The following ATP2C1 variants were observed in gnomAD, a reference collection of about 807,000 sequenced individuals.
The protein encoded by ATP2C1 is calcium-transporting ATPase type 2C member 1.
A neutral mutation model predicts 120.5 loss-of-function variants in ATP2C1; 31 were observed. The ratio of observed to expected loss-of-function variants is 0.26; its 90% CI spans 0.19 to 0.35. The LOEUF (loss-of-function observed/expected upper bound fraction) is 0.35. Ranked by LOEUF, ATP2C1 falls within the 10% of genes least tolerant of loss-of-function variation. The pLI is 1.00. For synonymous variants in ATP2C1, 351 were observed against 358.7 expected, an observed-to-expected ratio of 0.98 and a Z score of 0.24; for missense variants, 731 against 1,107.5, an observed-to-expected ratio of 0.66 and a Z score of 4.83.
intron 1 of ATP2C1, among the ~76,000 whole-genome samples, chr3:130,870,957 C>A (rs2068409460): frequency 6.6e-6 from 1 of 152,162 alleles, no homozygotes; most frequent in African/African-American, 2.4e-5. Context: ...ACCGCCACTT[C>A]AACTTTCAGC....
intron 24 of ATP2C1, 55 bp from the exon 25 acceptor site, chr3:130,997,551 A>C: frequency 6.4e-7 from 1 of 1,556,634 alleles, no homozygotes; most frequent in Admixed American, 1.7e-5. Flanking sequence ...TTGTGAAAGT[A>C]ACAAATCCAG....
downstream of ATP2C1, among the ~76,000 whole-genome samples, chr3:131,006,635 T>TTGTGTGTGTGTGTGTG (rs3073260): frequency 6.8e-6 from 1 of 147,166 alleles, no homozygotes; most frequent in South Asian, 2.2e-4. Context: ...TAGTGTGTGT[T>TTGTGTGTGTGTGTGTG]TGTGTGTGTG....
chr3:130,856,658 C>A (rs2067851426), intron 1 of ATP2C1, among the ~76,000 whole-genome samples: 1 of 152,180 alleles, frequency 6.6e-6, no homozygotes, highest in South Asian at 2.1e-4. Flanking sequence ...TGCTTATGAT[C>A]TTTCATTGGC....
exon 1 of ATP2C1, chr3:130,850,799 G>A: frequency 4.8e-6 from 6 of 1,238,486 alleles, no homozygotes; most frequent in Non-Finnish European, 6.5e-6. Context: ...GTGCAGACAA[G>A]GACCCTCTTG....
chr3:131,005,025 A>T (rs2063049558), downstream of ATP2C1, among the ~76,000 whole-genome samples: 1 of 152,018 alleles, frequency 6.6e-6, no homozygotes, highest in Non-Finnish European at 1.5e-5. Flanking sequence ...GAGACCAATT[A>T]GAAAATCAAG....
intron 1 of ATP2C1, among the ~76,000 whole-genome samples, chr3:130,867,090 G>A (rs958653417): frequency 1.3e-5 from 2 of 152,256 alleles, no homozygotes; most frequent in African/African-American, 4.8e-5. Flanking sequence ...GCCCGCATTA[G>A]ACAGAAAACT....
intron 1 of ATP2C1, among the ~76,000 whole-genome samples, chr3:130,861,217 C>T (rs2068003054): frequency 6.6e-6 from 1 of 152,024 alleles, no homozygotes; most frequent in African/African-American, 2.4e-5. Flanking sequence ...TGCAGTGAGC[C>T]GAGATCACGC....
upstream of ATP2C1, among the ~76,000 whole-genome samples, chr3:130,889,966 T>G (rs934350179): frequency 6.6e-6 from 1 of 152,234 alleles, no homozygotes; most frequent in Non-Finnish European, 1.5e-5. Flanking sequence ...TAAAAATCCC[T>G]TAAGTCCTCT....
chr3:130,949,849 T>A (rs2060296392), intron 8 of ATP2C1, among the ~76,000 whole-genome samples: 1 of 152,128 alleles, frequency 6.6e-6, no homozygotes, highest in African/African-American at 2.4e-5. Flanking sequence ...AGAACAGAAG[T>A]AAGAAATTTT....
At chr3:130,903,351 C>A (rs2057954999) in intron 2 of ATP2C1, among the ~76,000 whole-genome samples, 1 of 152,036 alleles carries the variant, frequency 6.6e-6, no homozygotes, top group African/African-American at 2.4e-5. Context: ...AAGTTGGTAG[C>A]TTTAAATGAT....
intron 26 of ATP2C1, among the ~76,000 whole-genome samples, chr3:131,008,517 C>T (rs1168367247): frequency 3.3e-5 from 5 of 151,480 alleles, no homozygotes; most frequent in Admixed American, 2.6e-4. Flanking sequence ...TTTATTAGAA[C>T]ACAACTATCC....
chr3:131,005,266 C>A (rs1200950545), downstream of ATP2C1, among the ~76,000 whole-genome samples: 1 of 151,926 alleles, frequency 6.6e-6, no homozygotes, highest in Non-Finnish European at 1.5e-5. Flanking sequence ...CAGGTGCACA[C>A]CACCATGTCT....
chr3:131,016,321 TC>T, exon 27 of ATP2C1: 1 of 1,614,220 alleles, frequency 6.2e-7, no homozygotes, highest in Non-Finnish European at 8.5e-7. Context: ...AGCACCATCT[TC>T]CTGCAGCTCT....
intron 12 of ATP2C1, 139 bp from the exon 13 acceptor site, chr3:130,963,831 CT>C: frequency 2.9e-6 from 3 of 1,034,106 alleles, no homozygotes; most frequent in Non-Finnish European, 4.3e-6. Flanking sequence ...TTAACTTTCT[CT>C]TCCTTTTGAG....
intron 19 of ATP2C1, 112 bp from the exon 20 acceptor site, chr3:130,980,470 G>C (rs977882350): frequency 1.5e-5 from 11 of 739,780 alleles, no homozygotes; most frequent in Non-Finnish European, 2.5e-5. Flanking sequence ...TGTATTACTG[G>C]TAGGTAACAA....
chr3:130,996,401 G>A, intron 23 of ATP2C1: 1 of 573,370 alleles, frequency 1.7e-6, no homozygotes, highest in Non-Finnish European at 3.1e-6. Context: ...AAAAGTAGAA[G>A]GGGTATTGTG....
At chr3:130,939,792 T>C (rs2059816205) in intron 6 of ATP2C1, among the ~76,000 whole-genome samples, 1 of 152,204 alleles carries the variant, frequency 6.6e-6, no homozygotes, top group Admixed American at 6.5e-5. Flanking sequence ...TGTTTTCTAT[T>C]TGAAGTTTGT....
chr3:130,885,866 T>C (rs2068957718), intron 1 of ATP2C1, among the ~76,000 whole-genome samples: 1 of 152,196 alleles, frequency 6.6e-6, no homozygotes, highest in Admixed American at 6.5e-5. Flanking sequence ...TTTTAATTTT[T>C]ATATTAGATT....
At chr3:130,884,937 T>TTC (rs1268236909) in intron 1 of ATP2C1, among the ~76,000 whole-genome samples, 2 of 148,656 alleles carry the variant, frequency 1.3e-5, no homozygotes, top group East Asian at 1.9e-4. Context: ...TTTCTTTTTT[T>TTC]TTTTTTTTTT....
Sources: allele counts gnomAD v4.1 joint callset (sites outside exome capture counted in the v4.1 genomes callset), GRCh38; gene constraint gnomAD v4.1.1; transcripts MANE v1.5; gene names NCBI Gene and HGNC (gene_info 2026-07-23, HGNC 2026-07-21).